Variants in PHACTR2 observed in about 807,000 individuals in gnomAD.
The protein encoded by PHACTR2 is chromosome 6 open reading frame 56.
In PHACTR2, 30 loss-of-function variants were observed where a neutral mutation model predicts 76.0. That is an observed-to-expected ratio of 0.39 (90% CI 0.30 to 0.54). The LOEUF is 0.54. Among genes scored for constraint, PHACTR2 ranks in the 20% least tolerant of loss-of-function variants. The probability of loss-of-function intolerance (pLI) is 0.61; values close to 1 mark genes in which losing one functional copy is unlikely to be tolerated. For missense variants in PHACTR2, 696 were observed against 781.1 expected, an observed-to-expected ratio of 0.89 and a Z score of 1.30; for synonymous variants, 292 against 292.5, an observed-to-expected ratio of 1.00 and a Z score of 0.02.
At position 143,537,092 on chromosome 6, in the gene PHACTR2, G is replaced by T; in HGVS notation, c.102G>T (p.Ala34=). ...AGCCCGAGGCGCCCGCCCCGCCGGC[G>T]GCGCCTGCCCTGCGCTGGCTTCCCG... Residue 34 remains alanine, a synonymous_variant, in exon 1 of 12, where the codon GCG becomes GCT. Transcript: ENST00000367584. This position sits in a 1 kb window ranked among gnomAD's most constrained non-coding sequence, Gnocchi z 4.4. The T allele has an allele frequency of 4.6e-6, 1 of 217,468 alleles. No individual in the cohort carries two copies. Among genetic ancestry groups the T allele is most frequent in the East Asian group, 1.1e-4 (1 of 9,214 alleles). The allele number at this position is 217,468 out of a possible 1,614,324, so 13.5% of individuals were successfully genotyped here. A position where few individuals can be genotyped will look rare whatever the true frequency, so the allele number is the denominator to read the frequency against.
chr6:143,571,260 C>T lies in PHACTR2; in HGVS notation c.217+34053C>T, dbSNP rs558074272. Among the ~76,000 whole-genome samples the T allele has an allele frequency of 9.8e-5, 15 of 152,290 alleles. No homozygotes were observed. Among genetic ancestry groups the T allele is most frequent in the Admixed American group, 9.1e-4 (14 of 15,302 alleles). On this transcript the variant is annotated intron_variant, in intron 1 of 11. Transcript: ENST00000367584. The surrounding 1 kb of genome is among the most constrained non-coding windows in gnomAD (Gnocchi z 4.6). Reference sequence around the variant, plus strand: ...CATTGCGGTGTTTGTCAGATGGTGACTTTCTAGTTATCATCCTTCTGCATT... The same window carrying T: ...CATTGCGGTGTTTGTCAGATGGTGATTTTCTAGTTATCATCCTTCTGCATT...
At chr6:143,615,882 AG>A (rs1228649508) in intron 1 of PHACTR2, among the ~76,000 whole-genome samples, 1 of 152,198 alleles carries the variant, frequency 6.6e-6, no homozygotes, top group Non-Finnish European at 1.5e-5. Flanking sequence ...TTCTTTCACT[AG>A]TAATGCTAAC....
intron 1 of PHACTR2, among the ~76,000 whole-genome samples, chr6:143,601,267 A>G (rs1193544417): frequency 6.6e-6 from 1 of 152,236 alleles, no homozygotes; most frequent in East Asian, 1.9e-4. Flanking sequence ...TTCTTTGAGA[A>G]AATCAGAATC....
chr6:143,559,494 C>T (rs751736845), intron 1 of PHACTR2, among the ~76,000 whole-genome samples: 1 of 152,118 alleles, frequency 6.6e-6, no homozygotes, highest in Non-Finnish European at 1.5e-5. Context: ...CTCCTACCTC[C>T]ACTCCTAATT....
At position 143,656,335 on chromosome 6, in the gene PHACTR2, G is replaced by A. The variant is rs370236423; in HGVS notation, c.13+48013G>A. ...TCCTGGCTGTAACAGTTACAGGGGC[G>A]TCCAATCTTTTGGCTTCCCTGGGCC... On this transcript the variant is annotated intron_variant, in intron 1 of 11. Transcript: ENST00000305766. The surrounding 1 kb of genome is among the most constrained non-coding windows in gnomAD (Gnocchi z 5.3). Among the ~76,000 whole-genome samples the A allele has an allele frequency of 1.3e-5, 2 of 152,180 alleles. No homozygotes were observed. Among genetic ancestry groups the A allele is most frequent in the Admixed American group, 6.5e-5 (1 of 15,280 alleles).
intron 12 of PHACTR2, among the ~76,000 whole-genome samples, chr6:143,813,465 A>G (rs2128485261): frequency 6.6e-6 from 1 of 152,138 alleles, no homozygotes; most frequent in South Asian, 2.1e-4. Flanking sequence ...TAAAAATACA[A>G]AAAATTAGCT....
chr6:143,755,408 C>A lies in PHACTR2; in HGVS notation c.454+1496C>A, dbSNP rs979244496. On this transcript the variant is annotated intron_variant, in intron 4 of 12. Transcript: ENST00000440869. The surrounding 1 kb of genome is among the most constrained non-coding windows in gnomAD (Gnocchi z 5.2). ...ACAGTGCCATCTCTGGTGCCTGGTC[C>A]GTGCAGGGTATTCGTCACTGGACTG... is the stretch of plus-strand genomic sequence containing the variant. 1 of 455,602 alleles carries A rather than the reference C, an allele frequency of 2.2e-6. No individual in the cohort carries two copies. Among genetic ancestry groups the A allele is most frequent in the Non-Finnish European group, 4.4e-6 (1 of 226,634 alleles). The allele number at this position is 455,602 out of a possible 1,614,324, so 28.2% of individuals were successfully genotyped here.
At chr6:143,805,836 G>A (rs1260525308) in intron 11 of PHACTR2, among the ~76,000 whole-genome samples, 4 of 152,222 alleles carry the variant, frequency 2.6e-5, no homozygotes, top group Non-Finnish European at 2.9e-5. Context: ...GCATTGAAAG[G>A]AGTGTTGAGG....
At chr6:143,813,651 C>T (rs1192201771) in intron 12 of PHACTR2, among the ~76,000 whole-genome samples, 2 of 151,156 alleles carry the variant, frequency 1.3e-5, no homozygotes, top group East Asian at 1.9e-4. Context: ...ATTCAGATGC[C>T]TGGAAATAAA....
intron 11 of PHACTR2, among the ~76,000 whole-genome samples, chr6:143,792,326 GA>G (rs1212448821): frequency 6.6e-6 from 1 of 151,988 alleles, no homozygotes; most frequent in Non-Finnish European, 1.5e-5. Context: ...TTTTTCAATA[GA>G]AGAGTTAGTC....
Position 143,777,450 on chromosome 6 carries a change from G to A in PHACTR2, c.1645+67G>A, listed in dbSNP as rs958646395. On this transcript the variant is annotated intron_variant, in intron 9 of 12. Transcript: ENST00000440869. The surrounding 1 kb of genome is among the most constrained non-coding windows in gnomAD (Gnocchi z 4.6). ...TAACAAGCTGCCTCTACAGATGATC[G>A]ATTTATCAGTAAGAAACCATCATAT... 6.7e-6 allele frequency: 5 copies of A among 747,496 alleles called. No homozygotes were observed. The highest frequency in any genetic ancestry group is 2.7e-5 in the Admixed American group (1 of 37,138). The allele number at this position is 747,496 out of a possible 1,614,324, so 46.3% of individuals were successfully genotyped here.
rs986001761 is a variant in PHACTR2 at position 143,653,205 on chromosome 6, T to C, written c.13+44883T>C. Among the ~76,000 whole-genome samples, 2 of 152,210 alleles carry C rather than the reference T, an allele frequency of 1.3e-5. No homozygotes were observed. The highest frequency in any genetic ancestry group is 4.8e-5 in the African/African-American group (2 of 41,446). Reference sequence around the variant, plus strand: ...GCAAGACACGTCAGGAAGCAATTTGTGCATCGAGACTCGAGCTGCTTTGGA... The same window carrying C: ...GCAAGACACGTCAGGAAGCAATTTGCGCATCGAGACTCGAGCTGCTTTGGA... On this transcript the variant is annotated intron_variant, in intron 1 of 11. Transcript: ENST00000305766. This position sits in a 1 kb window ranked among gnomAD's most constrained non-coding sequence, Gnocchi z 4.9.
rs1452175731 is a variant in PHACTR2, at chr6:143,610,267, A to G, written c.13+1945A>G. ...ATTGACTGTAAGGGAAGCATTTAAG[A>G]TAAAACTGGTAAGTGGCAAAAAAAA... On this transcript the variant is annotated intron_variant, in intron 1 of 11. Coordinates refer to the PHACTR2 transcript ENST00000305766. The surrounding 1 kb of genome is among the most constrained non-coding windows in gnomAD (Gnocchi z 4.9). Among the ~76,000 whole-genome samples the G allele has an allele frequency of 6.8e-6, 1 of 146,718 alleles. No homozygotes were observed. Among genetic ancestry groups the G allele is most frequent in the African/African-American group, 2.6e-5 (1 of 38,106 alleles).
Position 143,558,812 on chromosome 6 carries a change from A to C in PHACTR2, c.217+21605A>C, listed in dbSNP as rs1189231372. ...TTTGTAGACCTCTGAGGAGGATTTC[A>C]GGACCTTGCTGCAAACAGTGGACCA... is the stretch of plus-strand genomic sequence containing the variant. On this transcript the variant is annotated intron_variant, in intron 1 of 11. Transcript: ENST00000367584. This position sits in a 1 kb window ranked among gnomAD's most constrained non-coding sequence, Gnocchi z 4.7. 6.6e-6 allele frequency among the ~76,000 whole-genome samples: 1 copy of C among 152,214 alleles called. No homozygotes were observed. Among genetic ancestry groups the C allele is most frequent in the African/African-American group, 2.4e-5 (1 of 41,458 alleles).
chr6:143,731,082 T>C lies in PHACTR2; in HGVS notation c.215-17903T>C, dbSNP rs927210890. On this transcript the variant is annotated intron_variant, in intron 2 of 12. Transcript: ENST00000440869. The surrounding 1 kb of genome is among the most constrained non-coding windows in gnomAD (Gnocchi z 4.9). The stretch of plus-strand genomic sequence containing the variant: ...GTTTTTATACATGCCCTTTATTAGG[T>C]TGAGGAAGTTCCTTTTTGTTCCTGA... Among the ~76,000 whole-genome samples, 2 of 152,024 alleles carry C rather than the reference T, an allele frequency of 1.3e-5. No individual in the cohort carries two copies. The highest frequency in any genetic ancestry group is 4.8e-5 in the African/African-American group (2 of 41,396).
intron 2 of PHACTR2, among the ~76,000 whole-genome samples, chr6:143,745,948 AG>A (rs1429317275): frequency 6.6e-6 from 1 of 152,232 alleles, no homozygotes; most frequent in Non-Finnish European, 1.5e-5. Flanking sequence ...TTAGTTTACA[AG>A]GAAGAAAGGG....
At position 143,824,467 on chromosome 6, in the gene PHACTR2, A is replaced by G. The variant is rs1379683800; in HGVS notation, c.*778A>G. The G allele has an allele frequency of 6.6e-6, 1 of 152,600 alleles. No individual in the cohort carries two copies. The highest frequency in any genetic ancestry group is 2.4e-5 in the African/African-American group (1 of 41,432). The allele number at this position is 152,600 out of a possible 1,614,324, so 9.5% of individuals were successfully genotyped here. ...TGACATTTTTAAATATCCCTTTCCTAGTGTACCAGCCTTCACAGGATAAGA... is the reference window on the plus strand; with the variant it reads ...TGACATTTTTAAATATCCCTTTCCTGGTGTACCAGCCTTCACAGGATAAGA... On this transcript the variant is annotated 3_prime_UTR_variant, in exon 13 of 13. Coordinates refer to ENST00000440869, the MANE Select transcript of PHACTR2 (RefSeq NM_001100164.2). The surrounding 1 kb of genome is among the most constrained non-coding windows in gnomAD (Gnocchi z 6.3).
intron 1 of PHACTR2, among the ~76,000 whole-genome samples, chr6:143,564,293 G>A (rs9403504): frequency 0.6 from 77,096 of 129,194 alleles, 24,297 homozygotes; most frequent in Middle Eastern, 0.72. Flanking sequence ...CTAAAAAATA[G>A]TAAAAAATAA....
chr6:143,789,312 T>C lies in PHACTR2; in HGVS notation c.1845+402T>C, dbSNP rs377302793. 17 of 160,860 alleles carry C rather than the reference T, an allele frequency of 1.1e-4. No homozygotes were observed. Among genetic ancestry groups the C allele is most frequent in the Admixed American group, 7.7e-4 (13 of 16,928 alleles). The allele number at this position is 160,860 out of a possible 1,614,324, so 10.0% of individuals were successfully genotyped here. ...ACAAGACAGCAAATAGTTTAGGCTATGTGGGCCATACAATCTTTGTTGCAA... is the reference window on the plus strand; with the variant it reads ...ACAAGACAGCAAATAGTTTAGGCTACGTGGGCCATACAATCTTTGTTGCAA... On this transcript the variant is annotated intron_variant, in intron 11 of 12. Coordinates refer to ENST00000440869, the MANE Select transcript of PHACTR2 (RefSeq NM_001100164.2). This position sits in a 1 kb window ranked among gnomAD's most constrained non-coding sequence, Gnocchi z 5.1.
Sources: gnomAD v4.1 joint callset for allele counts (sites outside exome capture counted in the v4.1 genomes callset) on GRCh38, gnomAD v4.1.1 for gene constraint, Gnocchi (gnomAD v3.1) non-coding constraint, MANE v1.5 for transcripts, NCBI Gene and HGNC (gene_info 2026-07-23, HGNC 2026-07-21) for gene names.